Variants in PHLPP1 observed in about 807,000 individuals in gnomAD.
PHLPP1 encodes the protein PH domain leucine-rich repeat-containing protein phosphatase 1.
Under a neutral mutation model 117.2 loss-of-function variants are expected in PHLPP1, and 42 were observed. That is an observed-to-expected ratio of 0.36 (90% CI 0.28 to 0.46). The LOEUF (loss-of-function observed/expected upper bound fraction) is 0.46, where lower values mean the gene tolerates loss of function less well. PHLPP1 is among the 20% of genes least tolerant of loss of function. PHLPP1 has a pLI of 1.00. For missense variants in PHLPP1, 2,084 were observed against 2,241.9 expected (o/e 0.93, Z 1.42); for synonymous variants, 1,042 against 970.7 (o/e 1.07, Z -1.37).
chr18:62,858,573 T>C (rs921733319), intron 3 of PHLPP1, among the ~76,000 whole-genome samples: 1 of 152,088 alleles, frequency 6.6e-6, no homozygotes, highest in African/African-American at 2.4e-5. Flanking sequence ...TAGCAGAACA[T>C]ATCTTAGGCA....
chr18:62,829,226 ATTTCT>A (rs1914690264), intron 1 of PHLPP1, among the ~76,000 whole-genome samples: 1 of 152,094 alleles, frequency 6.6e-6, no homozygotes, highest in African/African-American at 2.4e-5. Flanking sequence ...TAAGAAAAAT[ATTTCT>A]TTTCTAATGT....
chr18:62,916,605 G>GGTGTGTGTGT (rs71340133), intron 9 of PHLPP1, among the ~76,000 whole-genome samples: 2 of 145,768 alleles, frequency 1.4e-5, no homozygotes, highest in African/African-American at 2.5e-5. Context: ...CAAGAGGGTG[G>GGTGTGTGTGT]GTGTGTGTGT....
At chr18:62,830,473 C>T (rs1914728049) in intron 2 of PHLPP1, among the ~76,000 whole-genome samples, 1 of 152,170 alleles carries the variant, frequency 6.6e-6, no homozygotes, top group Admixed American at 6.5e-5. Context: ...AAGTGATCTG[C>T]CCACCTCGGC....
chr18:62,794,995 T>A (rs573949123), intron 1 of PHLPP1, among the ~76,000 whole-genome samples: 2 of 152,308 alleles, frequency 1.3e-5, no homozygotes, highest in South Asian at 4.1e-4. Context: ...TCCCCCAGCC[T>A]CTTTATTATC....
chr18:62,940,117 A>C (rs1421223912), intron 10 of PHLPP1, among the ~76,000 whole-genome samples: 2 of 152,008 alleles, frequency 1.3e-5, no homozygotes, highest in Non-Finnish European at 2.9e-5. Flanking sequence ...ACAGTTGGAC[A>C]TTCGTCATGA....
chr18:62,849,826 A>ATAT lies in PHLPP1; in HGVS notation c.1900-10609_1900-10608insTAT, dbSNP rs1371664083. Among the ~76,000 whole-genome samples, 39 of 33,818 alleles carry ATAT rather than the reference A, an allele frequency of 1.2e-3. 1 individual carries two copies. Among genetic ancestry groups the ATAT allele is most frequent in the African/African-American group, 3.9e-3 (34 of 8,622 alleles). 22.2% of individuals were successfully genotyped at this position (33,818 alleles called of 152,430 possible). A position where few individuals can be genotyped will look rare whatever the true frequency, so the allele number is the denominator to read the frequency against. On this transcript the variant is annotated intron_variant, in intron 3 of 16. Transcript: ENST00000262719. ...AAAAAAAAAAAAAAAAAAAAAAAAA[A>ATAT]AAAAAAATATATATATCCTTTAAAG...
At chr18:62,964,016 C>T (rs540313443) in intron 14 of PHLPP1, among the ~76,000 whole-genome samples, 1 of 152,072 alleles carries the variant, frequency 6.6e-6, no homozygotes, top group Admixed American at 6.5e-5. Flanking sequence ...CTCCATTTTC[C>T]CCACCCTTCC....
At chr18:62,828,582 C>T (rs1054224828) in intron 1 of PHLPP1, among the ~76,000 whole-genome samples, 5 of 152,144 alleles carry the variant, frequency 3.3e-5, no homozygotes, top group Non-Finnish European at 7.3e-5. Context: ...AAGTGAAATT[C>T]GAACCTGTGG....
intron 1 of PHLPP1, among the ~76,000 whole-genome samples, chr18:62,730,371 G>GA (rs1911193309): frequency 6.6e-6 from 1 of 152,156 alleles, no homozygotes; most frequent in Non-Finnish European, 1.5e-5. Flanking sequence ...CACATTTTGG[G>GA]ATGTCTGTTG....
At chr18:62,838,528 GGA>G (rs1397551175) in intron 2 of PHLPP1, 2 of 365,830 alleles carry the variant, frequency 5.5e-6, no homozygotes, top group Non-Finnish European at 9.9e-6. Context: ...AAGGGAGTCT[GGA>G]CTAATTTTAA....
intron 10 of PHLPP1, among the ~76,000 whole-genome samples, chr18:62,929,179 A>G (rs1474600021): frequency 6.6e-6 from 1 of 152,172 alleles, no homozygotes; most frequent in Non-Finnish European, 1.5e-5. Flanking sequence ...TAAAGACCTC[A>G]AGGACTTAGA....
At chr18:62,842,953 T>C (rs1366171981) in intron 3 of PHLPP1, 1 of 152,234 alleles carries the variant, frequency 6.6e-6, no homozygotes, top group Non-Finnish European at 1.5e-5. Context: ...GAGAGTAGAC[T>C]AGAATCTCGC....
In PHLPP1 at chr18:62,804,702, C is replaced by G. The variant is rs538414541; in HGVS notation, c.1577-25333C>G. 6.6e-5 allele frequency among the ~76,000 whole-genome samples: 10 copies of G among 151,724 alleles called. 1 individual carries two copies. The South Asian group carries it at 1.5e-3, about 22-fold the overall frequency. On this transcript the variant is annotated intron_variant, in intron 1 of 16. Coordinates refer to ENST00000262719, the MANE Select transcript of PHLPP1 (RefSeq NM_194449.4). ...CTGTGGCTTGCCTGCCCCCATCCCC[C>G]CATCCCCCTCTTTTTTTTAAGAACA...
At chr18:62,879,704 A>G (rs1225799631) in intron 4 of PHLPP1, among the ~76,000 whole-genome samples, 1 of 152,180 alleles carries the variant, frequency 6.6e-6, no homozygotes, top group East Asian at 1.9e-4. Context: ...CACTGTGCCC[A>G]GCTGGTATTC....
rs145446297 is a variant in PHLPP1, at chr18:62,806,229, T to C, written c.1577-23806T>C. ...AAGAAGGGAGAATTGGTAATAAGAT[T>C]TAAGTAACTCTGTCATAAAAAACAG... On this transcript the variant is annotated intron_variant, in intron 1 of 16. Coordinates refer to ENST00000262719, the MANE Select transcript of PHLPP1 (RefSeq NM_194449.4). Among the ~76,000 whole-genome samples, 807 of 152,320 alleles carry C rather than the reference T, an allele frequency of 5.3e-3. 11 individuals are homozygous for C. Among genetic ancestry groups the C allele is most frequent in the African/African-American group, 0.018 (758 of 41,572 alleles).
chr18:62,853,381 G>GT (rs572990804), intron 3 of PHLPP1, among the ~76,000 whole-genome samples: 5 of 131,714 alleles, frequency 3.8e-5, no homozygotes, highest in Non-Finnish European at 8.3e-5. Context: ...GTTTCGTTTT[G>GT]TTTTTGAGAT....
Position 62,978,241 on chromosome 18 carries a change from T to A in PHLPP1, c.3985-21T>A. 1 of 1,498,816 alleles carries A rather than the reference T, an allele frequency of 6.7e-7. No homozygotes were observed. The highest frequency in any genetic ancestry group is 9.2e-7 in the Non-Finnish European group (1 of 1,088,816). 92.8% of individuals were successfully genotyped at this position (1,498,816 alleles called of 1,614,324 possible). On this transcript the variant is annotated intron_variant, in intron 16 of 16. Coordinates refer to ENST00000262719, the MANE Select transcript of PHLPP1 (RefSeq NM_194449.4). The surrounding 1 kb of genome is among the most constrained non-coding windows in gnomAD (Gnocchi z 7.0). ...AGGTGCTCTGTATTAACTGTCTGTC[T>A]GCAAACCCTTGTTCTTCCAGGATGG... is the stretch of plus-strand genomic sequence containing the variant.
chr18:62,915,104 G>C (rs1194271746), intron 9 of PHLPP1, 96 bp downstream of exon 9: 2 of 870,598 alleles, frequency 2.3e-6, no homozygotes, highest in African/African-American at 3.4e-5. Flanking sequence ...AAGCCTAAAA[G>C]AGTTTGCTTT....
chr18:62,787,898 T>G (rs1056360967), intron 1 of PHLPP1, among the ~76,000 whole-genome samples: 4 of 152,152 alleles, frequency 2.6e-5, no homozygotes, highest in African/African-American at 9.7e-5. Flanking sequence ...GGTAATCCAG[T>G]GGGTTGGTTA....
Sources: gnomAD v4.1 joint callset for allele counts (sites outside exome capture counted in the v4.1 genomes callset) on GRCh38, gnomAD v4.1.1 for gene constraint, Gnocchi (gnomAD v3.1) non-coding constraint, MANE v1.5 for transcripts, NCBI Gene and HGNC (gene_info 2026-07-23, HGNC 2026-07-21) for gene names.